Variants in RMDN2 observed in about 807,000 individuals in gnomAD.
RMDN2 encodes regulator of microtubule dynamics protein 2.
RMDN2 carries 61 observed loss-of-function variants against 52.8 expected under a neutral mutation model. That is an observed-to-expected ratio of 1.16 (90% CI 0.94 to 1.43). The LOEUF is 1.43. Among genes scored for constraint, RMDN2 ranks in the 40% most tolerant of loss-of-function variants. The pLI, the probability that RMDN2 is intolerant of heterozygous loss-of-function variation, is 0.00. For synonymous variants in RMDN2, 180 were observed against 153.1 expected, an observed-to-expected ratio of 1.18 and a Z score of -1.30; for missense variants, 592 against 475.3, an observed-to-expected ratio of 1.25 and a Z score of -2.28.
intron 8 of RMDN2, among the ~76,000 whole-genome samples, chr2:38,000,792 G>C (rs1676212770): frequency 6.6e-6 from 1 of 152,210 alleles, no homozygotes; most frequent in Non-Finnish European, 1.5e-5. Flanking sequence ...TTTGCATAAA[G>C]CTTCTGTGAA....
At chr2:38,024,993 G>C (rs190013224) in intron 10 of RMDN2, among the ~76,000 whole-genome samples, 2 of 152,026 alleles carry the variant, frequency 1.3e-5, no homozygotes, top group African/African-American at 4.8e-5. Context: ...TGTTCTGTTT[G>C]GACTGCTCTA....
chr2:37,951,541 A>G lies in RMDN2; in HGVS notation c.452+21812A>G, dbSNP rs370260752. 119 of 1,612,374 alleles carry G rather than the reference A, an allele frequency of 7.4e-5. No homozygotes were observed. The highest frequency in any genetic ancestry group is 6.6e-4 in the Middle Eastern group (4 of 6,080). On this transcript the variant is annotated intron_variant, in intron 2 of 10. Transcript: ENST00000354545. ...TCTGAAGAAGACACAGGCTTCACTG[A>G]TATAAAATCTTCCTCAGACCATTGT...
At chr2:37,923,198 T>TG (rs1300454823), upstream of RMDN2, 1 of 152,260 alleles carries the variant, frequency 6.6e-6, no homozygotes, top group African/African-American at 2.4e-5. Flanking sequence ...GTTACAGCTT[T>TG]GCCAAGGTCA....
chr2:38,020,861 A>G (rs937009902), downstream of RMDN2, among the ~76,000 whole-genome samples: 2 of 151,666 alleles, frequency 1.3e-5, no homozygotes, highest in Non-Finnish European at 1.5e-5. Context: ...CACGGTGCGC[A>G]ATTCCATCGA....
At chr2:37,946,958 T>C (rs1016091917) in intron 2 of RMDN2, among the ~76,000 whole-genome samples, 1 of 152,230 alleles carries the variant, frequency 6.6e-6, no homozygotes, top group Non-Finnish European at 1.5e-5. Context: ...TTTTGCATCA[T>C]TTCAAACCCT....
chr2:38,004,453 G>A (rs949603507), intron 10 of RMDN2, among the ~76,000 whole-genome samples: 4 of 151,942 alleles, frequency 2.6e-5, no homozygotes, highest in East Asian at 3.8e-4. Context: ...CACATTCATC[G>A]CCTCACATAG....
At chr2:37,934,914 G>C (rs1572694112) in intron 2 of RMDN2, among the ~76,000 whole-genome samples, 1 of 151,676 alleles carries the variant, frequency 6.6e-6, no homozygotes, top group East Asian at 1.9e-4. Flanking sequence ...TGAAGCTTTA[G>C]AAACATCTTT....
intron 10 of RMDN2, among the ~76,000 whole-genome samples, chr2:38,043,572 C>G (rs915870103): frequency 6.6e-6 from 1 of 151,830 alleles, no homozygotes; most frequent in African/African-American, 2.4e-5. Flanking sequence ...CTTTTTTCAT[C>G]TTCCCCTCTT....
At chr2:38,014,158 G>C (rs989198562) in intron 10 of RMDN2, among the ~76,000 whole-genome samples, 1 of 152,130 alleles carries the variant, frequency 6.6e-6, no homozygotes, top group Non-Finnish European at 1.5e-5. Flanking sequence ...GTTGTGGTGA[G>C]CTGAGATCGT....
chr2:37,988,074 T>C (rs116169314), intron 5 of RMDN2, among the ~76,000 whole-genome samples: 2,190 of 152,042 alleles, frequency 0.014, 57 homozygotes, highest in African/African-American at 0.048. Context: ...AAATAAATAA[T>C]AGTGGGGGCT....
At chr2:37,963,542 G>A (rs1670574491) in intron 2 of RMDN2, among the ~76,000 whole-genome samples, 1 of 152,074 alleles carries the variant, frequency 6.6e-6, no homozygotes, top group African/African-American at 2.4e-5. Context: ...CTGCCTTCAA[G>A]CATCTGTTTA....
At chr2:38,011,161 A>G (rs1252648395) in intron 10 of RMDN2, among the ~76,000 whole-genome samples, 4 of 152,352 alleles carry the variant, frequency 2.6e-5, no homozygotes, top group African/African-American at 2.4e-5. Flanking sequence ...TCAGTCCTCA[A>G]TTCACAGCAG....
chr2:37,951,122 C>T, intron 2 of RMDN2: 1 of 1,037,202 alleles, frequency 9.6e-7, no homozygotes. Context: ...AGTATGGAAA[C>T]AATACCAATT....
chr2:38,031,731 A>G (rs1680221179), intron 10 of RMDN2, among the ~76,000 whole-genome samples: 1 of 152,198 alleles, frequency 6.6e-6, no homozygotes, highest in East Asian at 1.9e-4. Context: ...GAGGTGCAGA[A>G]GCAAAAGATG....
chr2:38,061,138 C>T (rs1207004170), intron 10 of RMDN2, among the ~76,000 whole-genome samples: 1 of 152,074 alleles, frequency 6.6e-6, no homozygotes, highest in South Asian at 2.1e-4. Context: ...TCTTTAGGAA[C>T]AAGTGAGTAG....
intron 10 of RMDN2, among the ~76,000 whole-genome samples, chr2:38,046,837 G>C (rs945493516): frequency 2.6e-5 from 4 of 152,078 alleles, no homozygotes; most frequent in African/African-American, 9.7e-5. Context: ...ACAAAAATTA[G>C]CCAGGCCTAG....
intron 10 of RMDN2, among the ~76,000 whole-genome samples, chr2:38,047,659 T>C (rs1681354480): frequency 6.6e-6 from 1 of 152,226 alleles, no homozygotes; most frequent in Admixed American, 6.5e-5. Context: ...CTTTGTTAAA[T>C]GTATTCCTAA....
At chr2:38,049,297 C>G (rs569488371) in intron 10 of RMDN2, among the ~76,000 whole-genome samples, 96 of 152,250 alleles carry the variant, frequency 6.3e-4, no homozygotes, top group African/African-American at 2.2e-3. Flanking sequence ...TTAGGACCAT[C>G]AGTCAGAGAA....
At chr2:37,996,412 C>T (rs548048734) in intron 7 of RMDN2, among the ~76,000 whole-genome samples, 1 of 151,912 alleles carries the variant, frequency 6.6e-6, no homozygotes, top group East Asian at 1.9e-4. Flanking sequence ...TAGGAAGACC[C>T]TGTCTCTACA....
Sources: allele counts gnomAD v4.1 joint callset (sites outside exome capture counted in the v4.1 genomes callset), GRCh38; gene constraint gnomAD v4.1.1; transcripts MANE v1.5; gene names NCBI Gene and HGNC (gene_info 2026-07-23, HGNC 2026-07-21).